The following CNTN5 variants were observed in gnomAD, a reference collection of about 807,000 sequenced individuals.
CNTN5 encodes the protein contactin 5, also known as contactin-5.
CNTN5 carries 77 observed loss-of-function variants against 129.1 expected under a neutral mutation model. The ratio of observed to expected loss-of-function variants is 0.60; its 90% confidence interval spans 0.50 to 0.72. The LOEUF (loss-of-function observed/expected upper bound fraction) is 0.72, where lower values mean the gene tolerates loss of function less well. CNTN5 is among the 30% of genes least tolerant of loss of function. The pLI is 0.00. For missense variants in CNTN5, 1,478 were observed against 1,328.8 expected (o/e 1.11, Z -1.75); for synonymous variants, 509 against 465.6 (o/e 1.09, Z -1.20).
At chr11:99,503,378 T>C (rs1366767801) in intron 2 of CNTN5, among the ~76,000 whole-genome samples, 2 of 152,166 alleles carry the variant, frequency 1.3e-5, no homozygotes, top group African/African-American at 4.8e-5. Flanking sequence ...CAGCAACGTG[T>C]CTGGGTAAAA....
intron 3 of CNTN5, among the ~76,000 whole-genome samples, chr11:99,685,367 A>G (rs965177083): frequency 6.6e-6 from 1 of 151,832 alleles, no homozygotes; most frequent in African/African-American, 2.4e-5. Context: ...TCTTTCATAT[A>G]TGTCACTTAG....
At chr11:99,505,699 G>A (rs1443501331) in intron 2 of CNTN5, among the ~76,000 whole-genome samples, 4 of 152,158 alleles carry the variant, frequency 2.6e-5, no homozygotes, top group African/African-American at 9.6e-5. Flanking sequence ...CAATCCCTAT[G>A]TAACAGATTT....
intron 21 of CNTN5, among the ~76,000 whole-genome samples, chr11:100,328,596 A>G (rs557352006): frequency 6.6e-6 from 1 of 152,220 alleles, no homozygotes; most frequent in Admixed American, 6.5e-5. Flanking sequence ...CAGACTTTTA[A>G]GCAACCACAT....
chr11:99,124,899 TC>T (rs1164366407), intron 1 of CNTN5, among the ~76,000 whole-genome samples: 1 of 151,820 alleles, frequency 6.6e-6, no homozygotes, highest in Non-Finnish European at 1.5e-5. Flanking sequence ...ACATACAACC[TC>T]CTAAACTGAA....
At chr11:99,806,323 T>C (rs189673337) in intron 3 of CNTN5, among the ~76,000 whole-genome samples, 23 of 152,192 alleles carry the variant, frequency 1.5e-4, no homozygotes, top group Admixed American at 5.2e-4. Flanking sequence ...TTTGTCCTTA[T>C]CCCCTAAAAA....
chr11:99,637,219 C>T (rs1628747), intron 3 of CNTN5, among the ~76,000 whole-genome samples: 90,357 of 150,470 alleles, frequency 0.6, 27,966 homozygotes, highest in Admixed American at 0.69. Context: ...TTAGAAACAA[C>T]TTAAACCATT....
chr11:99,363,227 A>G (rs1327248638), intron 2 of CNTN5, among the ~76,000 whole-genome samples: 4 of 152,088 alleles, frequency 2.6e-5, no homozygotes, highest in Admixed American at 2.6e-4. Context: ...TAAGGCTTTC[A>G]TCTCCTTGGT....
intron 21 of CNTN5, among the ~76,000 whole-genome samples, chr11:100,336,061 C>T (rs1221812902): frequency 1.3e-5 from 2 of 152,134 alleles, no homozygotes; most frequent in African/African-American, 4.8e-5. Context: ...AAGAGAAGTA[C>T]TATTTTCTCT....
intron 10 of CNTN5, among the ~76,000 whole-genome samples, chr11:100,067,201 T>C (rs1201158135): frequency 1.3e-5 from 2 of 152,232 alleles, no homozygotes; most frequent in South Asian, 2.1e-4. Flanking sequence ...GCCTTAATGT[T>C]AATTAATGTT....
intron 2 of CNTN5, among the ~76,000 whole-genome samples, chr11:99,485,968 A>G (rs1945795154): frequency 2.0e-5 from 3 of 152,056 alleles, no homozygotes; most frequent in Non-Finnish European, 4.4e-5. Context: ...CTCTGTTTCT[A>G]TACAATACGC....
At chr11:99,858,639 C>A (rs1428406532) in intron 6 of CNTN5, among the ~76,000 whole-genome samples, 1 of 131,976 alleles carries the variant, frequency 7.6e-6, no homozygotes, top group African/African-American at 2.6e-5. Flanking sequence ...AAGTTTTATT[C>A]ATCTAATTTA....
At position 100,071,720 on chromosome 11, in the gene CNTN5, G is replaced by A; in HGVS notation, c.1315G>A (p.Val439Ile). Residue 439 changes from valine (V) to isoleucine (I), a missense_variant, in exon 12 of 25, where the codon GTT (valine) becomes ATT (isoleucine). By Grantham distance (29) the Val-to-Ile change is conservative. Coordinates refer to ENST00000524871, the MANE Select transcript of CNTN5 (RefSeq NM_014361.4). ...TCCATTACAGAGTAGGGTTGAGATGGTTAATGGAGTATTGATGATCCACAA... is the reference window on the plus strand; with the variant it reads ...TCCATTACAGAGTAGGGTTGAGATGATTAATGGAGTATTGATGATCCACAA... ...PLSPQSRVEM[V>I]NGVLMIHNVN... 1 of 1,588,362 alleles carries A rather than the reference G, an allele frequency of 6.3e-7. No homozygotes were observed. The highest frequency in any genetic ancestry group is 8.6e-7 in the Non-Finnish European group (1 of 1,166,370).
intron 7 of CNTN5, among the ~76,000 whole-genome samples, chr11:99,925,645 G>GCTGTAACA (rs1256574550): frequency 3.3e-5 from 5 of 152,076 alleles, no homozygotes; most frequent in African/African-American, 1.2e-4. Context: ...TTGTGTATGA[G>GCTGTAACA]CTGTAACACT....
chr11:100,311,536 T>C (rs561086543), intron 21 of CNTN5, among the ~76,000 whole-genome samples: 1 of 151,950 alleles, frequency 6.6e-6, no homozygotes, highest in Non-Finnish European at 1.5e-5. Context: ...CTAAGATCAC[T>C]GAATATTTGG....
At chr11:99,458,913 C>T (rs1240272102) in intron 2 of CNTN5, among the ~76,000 whole-genome samples, 1 of 151,940 alleles carries the variant, frequency 6.6e-6, no homozygotes, top group African/African-American at 2.4e-5. Context: ...AAGTTTTGTG[C>T]CATCTGAAGT....
chr11:99,997,877 G>A (rs11222273), intron 8 of CNTN5, among the ~76,000 whole-genome samples: 10,600 of 152,096 alleles, frequency 0.07, 683 homozygotes, highest in African/African-American at 0.16. Flanking sequence ...ATGTAATCCA[G>A]CATATAAACA....
chr11:99,146,603 G>A (rs1859796778), intron 1 of CNTN5, among the ~76,000 whole-genome samples: 1 of 152,052 alleles, frequency 6.6e-6, no homozygotes, highest in Non-Finnish European at 1.5e-5. Context: ...CCCAATCCTT[G>A]TTGATGAACA....
chr11:99,911,215 A>G (rs1193727310), intron 6 of CNTN5, among the ~76,000 whole-genome samples: 1 of 152,082 alleles, frequency 6.6e-6, no homozygotes, highest in East Asian at 1.9e-4. Flanking sequence ...TAAAATTTGC[A>G]TTAAATCGTA....
chr11:99,528,985 G>T (rs1947595941), intron 2 of CNTN5, among the ~76,000 whole-genome samples: 1 of 151,998 alleles, frequency 6.6e-6, no homozygotes, highest in African/African-American at 2.4e-5. Flanking sequence ...TGAGGCAGAA[G>T]AATTGCTTGA....
Sources: gnomAD v4.1 joint callset for allele counts (sites outside exome capture counted in the v4.1 genomes callset) on GRCh38, gnomAD v4.1.1 for gene constraint, MANE v1.5 for transcripts, NCBI Gene and HGNC (gene_info 2026-07-23, HGNC 2026-07-21) for gene names.